GPR83: variants seen among roughly 807,000 people sequenced by gnomAD.
GPR83 encodes G-protein coupled receptor 72.
GPR83 carries 23 observed loss-of-function variants against 28.0 expected under a neutral mutation model. That is an observed-to-expected ratio of 0.82 (90% CI 0.59 to 1.16). GPR83 has a LOEUF of 1.16. Among genes scored for constraint, GPR83 ranks in the 50% most tolerant of loss-of-function variants. GPR83 has a pLI of 0.00. For synonymous variants in GPR83, 234 were observed against 215.4 expected, an observed-to-expected ratio of 1.09 and a Z score of -0.76; for missense variants, 610 against 536.6, an observed-to-expected ratio of 1.14 and a Z score of -1.35.
intron 3 of GPR83, among the ~76,000 whole-genome samples, chr11:94,391,469 T>G (rs1565187234): frequency 6.6e-6 from 1 of 151,994 alleles, no homozygotes; most frequent in African/African-American, 2.4e-5. Flanking sequence ...AATAGACAAA[T>G]GGGATCTAAT....
Position 94,378,191 on chromosome 11 carries a change from A to G in GPR83, c.*1958T>C, listed in dbSNP as rs2134677091. The G allele has an allele frequency of 6.6e-6, 1 of 152,324 alleles. No homozygotes were observed. Among genetic ancestry groups the G allele is most frequent in the Admixed American group, 6.5e-5 (1 of 15,288 alleles). 9.4% of individuals were successfully genotyped at this position (152,324 alleles called of 1,614,324 possible). On this transcript the variant is annotated 3_prime_UTR_variant, in exon 4 of 4. Coordinates refer to ENST00000243673, the MANE Select transcript of GPR83 (RefSeq NM_016540.4). ...TGAGTTTTCAAAATCTTGTGTCTTGAAAATTTTCAACCATCTTCATAAATA... is the reference window on the plus strand; with the variant it reads ...TGAGTTTTCAAAATCTTGTGTCTTGGAAATTTTCAACCATCTTCATAAATA...
chr11:94,396,978 G>A (rs1272215282), intron 1 of GPR83, among the ~76,000 whole-genome samples: 1 of 152,064 alleles, frequency 6.6e-6, no homozygotes, highest in Non-Finnish European at 1.5e-5. Flanking sequence ...AGATTGTTCA[G>A]ATATTATTAG....
chr11:94,377,995 G>T lies in GPR83; in HGVS notation c.*2154C>A, dbSNP rs1204321094. On this transcript the variant is annotated 3_prime_UTR_variant, in exon 4 of 4. Coordinates refer to ENST00000243673, the MANE Select transcript of GPR83 (RefSeq NM_016540.4). Reference sequence around the variant, plus strand: ...CTGCCTTGTCTCATTCTGGTTCACAGAATTTCTATGGCAGCTTTCAGATGA... The same window carrying T: ...CTGCCTTGTCTCATTCTGGTTCACATAATTTCTATGGCAGCTTTCAGATGA... 6.6e-6 allele frequency: 1 copy of T among 152,180 alleles called. No individual in the cohort carries two copies. Among genetic ancestry groups the T allele is most frequent in the African/African-American group, 2.4e-5 (1 of 41,442 alleles). 9.4% of individuals were successfully genotyped at this position (152,180 alleles called of 1,614,324 possible).
At chr11:94,387,035 G>A (rs1028575873) in intron 3 of GPR83, among the ~76,000 whole-genome samples, 3 of 152,062 alleles carry the variant, frequency 2.0e-5, no homozygotes, top group Admixed American at 6.6e-5. Context: ...ACTCAAAACC[G>A]CTCAACTACA....
Position 94,385,542 on chromosome 11 carries a change from G to A in GPR83, c.648-4769C>T, listed in dbSNP as rs566480823. Among the ~76,000 whole-genome samples, 481 of 152,296 alleles carry A rather than the reference G, an allele frequency of 3.2e-3. 2 individuals are homozygous for A. The highest frequency in any genetic ancestry group is 8.3e-3 in the South Asian group (40 of 4,824). On this transcript the variant is annotated intron_variant, in intron 3 of 3. Coordinates refer to ENST00000243673, the MANE Select transcript of GPR83 (RefSeq NM_016540.4). ...CTGAAAACCATGGCACAAGAACTACGTGATGAATGCACAAGCCTCAGTAAC... is the reference window on the plus strand; with the variant it reads ...CTGAAAACCATGGCACAAGAACTACATGATGAATGCACAAGCCTCAGTAAC...
At chr11:94,384,157 C>T (rs769968909) in intron 3 of GPR83, among the ~76,000 whole-genome samples, 21 of 152,076 alleles carry the variant, frequency 1.4e-4, no homozygotes, top group Non-Finnish European at 2.6e-4. Flanking sequence ...TGGCTTCATC[C>T]CTGGGATGCA....
Position 94,380,424 on chromosome 11 carries a change from A to T in GPR83, c.997T>A (p.Phe333Ile), listed in dbSNP as rs770875436. The change falls in exon 4 of 4, where the codon TTT becomes ATT. Residue 333 changes from phenylalanine (F) to isoleucine (I), a missense_variant. Transcript: ENST00000243673. ...NNALYFAFHW[F>I]AMSSTCYNPF... ...TTATAGCAGGTGCTGCTCATGGCAA[A>T]CCAGTGGAAGGCAAAGTAGAGGGCA... 6.2e-7 allele frequency: 1 copy of T among 1,614,192 alleles called. No individual in the cohort carries two copies. Among genetic ancestry groups the T allele is most frequent in the South Asian group, 1.1e-5 (1 of 91,082 alleles).
chr11:94,397,810 G>C (rs927057745), intron 1 of GPR83, among the ~76,000 whole-genome samples: 1 of 152,202 alleles, frequency 6.6e-6, no homozygotes, highest in African/African-American at 2.4e-5. Context: ...AGAAATCCCA[G>C]GACCTGTTTG....
In GPR83 at chr11:94,378,610, T is replaced by G. The variant is rs7952021; in HGVS notation, c.*1539A>C. ...TGCATAAGTTTCTGTAAGTGAAAGT[T>G]ACACCTGAACCACCAAAATGATGTT... On this transcript the variant is annotated 3_prime_UTR_variant, in exon 4 of 4. Coordinates refer to ENST00000243673, the MANE Select transcript of GPR83 (RefSeq NM_016540.4). 148,545 of 152,702 alleles carry G rather than the reference T, an allele frequency of 0.97. 72,376 individuals are homozygous for G. The highest frequency in any genetic ancestry group is 1 in the East Asian group (5,176 of 5,176). 9.5% of individuals were successfully genotyped at this position (152,702 alleles called of 1,614,324 possible).
Position 94,380,052 on chromosome 11 carries a change from G to C in GPR83, c.*97C>G. 1 of 960,472 alleles carries C rather than the reference G, an allele frequency of 1.0e-6. No homozygotes were observed. Among genetic ancestry groups the C allele is most frequent in the African/African-American group, 1.6e-5 (1 of 62,538 alleles). The allele number at this position is 960,472 out of a possible 1,614,324, so 59.5% of individuals were successfully genotyped here. The stretch of plus-strand genomic sequence containing the variant: ...AGAGTCCTACAGCTTCTGCAGGAGT[G>C]TGTTTCCAGCACTCTGAAGATCATG... On this transcript the variant is annotated 3_prime_UTR_variant, in exon 4 of 4. Coordinates refer to ENST00000243673, the MANE Select transcript of GPR83 (RefSeq NM_016540.4).
intron 2 of GPR83, among the ~76,000 whole-genome samples, chr11:94,393,866 T>C (rs117046543): frequency 1.3e-5 from 2 of 152,294 alleles, no homozygotes; most frequent in East Asian, 3.9e-4. Context: ...ACTTGTCACA[T>C]AAGGCAGGCC....
chr11:94,393,680 G>C (rs530947152), intron 2 of GPR83, 62 bp from the exon 3 acceptor site: 1 of 1,548,032 alleles, frequency 6.5e-7, no homozygotes, highest in African/African-American at 1.4e-5. Flanking sequence ...AGAAATCTGG[G>C]TCAGGCGCAG....
intron 3 of GPR83, among the ~76,000 whole-genome samples, chr11:94,381,145 TTTTAAA>T (rs1944682691): frequency 6.6e-6 from 1 of 152,190 alleles, no homozygotes; most frequent in Admixed American, 6.5e-5. Flanking sequence ...TACTTCCCCA[TTTTAAA>T]GGGAAAACTA....
At chr11:94,387,817 A>C (rs1432459254) in intron 3 of GPR83, among the ~76,000 whole-genome samples, 1 of 152,208 alleles carries the variant, frequency 6.6e-6, no homozygotes, top group African/African-American at 2.4e-5. Context: ...AATCCTCCCT[A>C]ACTCATTTTA....
intron 3 of GPR83, among the ~76,000 whole-genome samples, chr11:94,384,548 C>A (rs539661510): frequency 6.6e-6 from 1 of 152,318 alleles, no homozygotes; most frequent in Non-Finnish European, 1.5e-5. Flanking sequence ...AAGGCATCGC[C>A]TCACCTGGGA....
Position 94,390,417 on chromosome 11 carries a change from T to C in GPR83, c.647+3068A>G, listed in dbSNP as rs565578941. On this transcript the variant is annotated intron_variant, in intron 3 of 3. Transcript: ENST00000243673. ...ATTCCCTTTGAAAACTGGCATAAAA[T>C]AAGGATGCCGTCTCTCACCACTCCT... 2.5e-4 allele frequency among the ~76,000 whole-genome samples: 38 copies of C among 151,942 alleles called. No homozygotes were observed. The East Asian group carries it at 6.8e-3, about 27-fold the overall frequency.
chr11:94,393,413 G>A, intron 3 of GPR83, 72 bp downstream of exon 3: 1 of 1,455,616 alleles, frequency 6.9e-7, no homozygotes, highest in Non-Finnish European at 9.6e-7. Context: ...GGGGGCCTCA[G>A]GTATCCCTTG....
chr11:94,388,416 A>G (rs4415719), intron 3 of GPR83, among the ~76,000 whole-genome samples: 80,170 of 151,994 alleles, frequency 0.53, 21,749 homozygotes, highest in East Asian at 0.64. Flanking sequence ...TCGTATATCT[A>G]GAAAACCCCA....
intron 1 of GPR83, 101 bp downstream of exon 1, chr11:94,400,760 G>C: frequency 1.0e-6 from 1 of 1,000,030 alleles, no homozygotes; most frequent in Non-Finnish European, 1.5e-6. Context: ...GAGAAGTGGG[G>C]ACCCACAGGG....
Sources: allele counts gnomAD v4.1 joint callset (sites outside exome capture counted in the v4.1 genomes callset), GRCh38; gene constraint gnomAD v4.1.1; transcripts MANE v1.5; gene names NCBI Gene and HGNC (gene_info 2026-07-23, HGNC 2026-07-21).